SLC39A8: variants seen among roughly 807,000 people sequenced by gnomAD.
SLC39A8 encodes metal cation symporter ZIP8.
Under a neutral mutation model 40.4 loss-of-function variants are expected in SLC39A8, and 15 were observed. The ratio of observed to expected loss-of-function variants is 0.37; its 90% CI spans 0.25 to 0.57. The LOEUF is 0.57. Ranked by LOEUF, SLC39A8 falls within the 20% of genes least tolerant of loss-of-function variation. SLC39A8 has a pLI of 0.75. For synonymous variants in SLC39A8, 223 were observed against 221.6 expected (o/e 1.01, Z -0.06); for missense variants, 472 against 558.8 (o/e 0.84, Z 1.57).
chr4:102,342,030 G>C (rs932449629), intron 2 of SLC39A8, among the ~76,000 whole-genome samples: 3 of 152,122 alleles, frequency 2.0e-5, no homozygotes, highest in Non-Finnish European at 4.4e-5. Flanking sequence ...TATTCCTCAG[G>C]GTATGTAAGC....
intron 11 of SLC39A8, chr4:102,253,454 T>C (rs1330245311): frequency 1.4e-6 from 1 of 714,326 alleles, no homozygotes; most frequent in African/African-American, 1.8e-5. Flanking sequence ...AGAAGGAACA[T>C]AGTAAAGTTT....
chr4:102,335,516 G>T (rs1391789105), intron 2 of SLC39A8, among the ~76,000 whole-genome samples: 1 of 152,082 alleles, frequency 6.6e-6, no homozygotes, highest in Non-Finnish European at 1.5e-5. Flanking sequence ...TTTAGAAGTA[G>T]ATCTCAATTT....
At chr4:102,320,183 A>G (rs1411670066) in intron 2 of SLC39A8, among the ~76,000 whole-genome samples, 5 of 95,592 alleles carry the variant, frequency 5.2e-5, no homozygotes, top group African/African-American at 7.2e-5. Context: ...ATATATATAT[A>G]TATATATGTA....
Position 102,262,558 on chromosome 4 carries a change from T to C in SLC39A8, c.*486A>G, listed in dbSNP as rs1731911056. 2 of 985,342 alleles carry C rather than the reference T, an allele frequency of 2.0e-6. No homozygotes were observed. The highest frequency in any genetic ancestry group is 4.7e-5 in the South Asian group (1 of 21,288). 61.0% of individuals were successfully genotyped at this position (985,342 alleles called of 1,614,324 possible). A position where few individuals can be genotyped will look rare whatever the true frequency, so the allele number is the denominator to read the frequency against. On this transcript the variant is annotated 3_prime_UTR_variant, in exon 9 of 9. Coordinates refer to ENST00000356736, the MANE Select transcript of SLC39A8 (RefSeq NM_001135146.2). Reference sequence around the variant, plus strand: ...TTGGCTCCTTAAAGACTTGGAATAATTTATATTAGTGTTGCATACATTTTA... The same window carrying C: ...TTGGCTCCTTAAAGACTTGGAATAACTTATATTAGTGTTGCATACATTTTA...
intron 2 of SLC39A8, among the ~76,000 whole-genome samples, chr4:102,326,055 G>A (rs966935023): frequency 3.9e-5 from 6 of 152,192 alleles, no homozygotes; most frequent in South Asian, 2.1e-4. Flanking sequence ...TAGATCCTTC[G>A]CTTCCCACCC....
At chr4:102,333,796 C>A (rs147194253) in intron 2 of SLC39A8, among the ~76,000 whole-genome samples, 1 of 152,204 alleles carries the variant, frequency 6.6e-6, no homozygotes, top group East Asian at 1.9e-4. Flanking sequence ...TGAAGATATA[C>A]AGAAAGAGTG....
At chr4:102,327,388 C>T (rs1200769389) in intron 2 of SLC39A8, among the ~76,000 whole-genome samples, 1 of 152,148 alleles carries the variant, frequency 6.6e-6, no homozygotes, top group Middle Eastern at 3.2e-3. Flanking sequence ...CTATCCTAAC[C>T]AGTTATAATC....
intron 8 of SLC39A8, among the ~76,000 whole-genome samples, chr4:102,265,509 C>T (rs1732061471): frequency 6.6e-6 from 1 of 152,088 alleles, no homozygotes; most frequent in Non-Finnish European, 1.5e-5. Flanking sequence ...GTGACAGAGA[C>T]AGGAAATAAG....
intron 2 of SLC39A8, among the ~76,000 whole-genome samples, chr4:102,319,391 C>T (rs1022549048): frequency 2.6e-5 from 4 of 152,216 alleles, no homozygotes; most frequent in African/African-American, 7.2e-5. Flanking sequence ...CTTGACTAAA[C>T]TGCAGTCAGG....
intron 6 of SLC39A8, among the ~76,000 whole-genome samples, chr4:102,291,859 A>G (rs767261678): frequency 2.9e-4 from 44 of 151,998 alleles, no homozygotes; most frequent in Non-Finnish European, 5.7e-4. Flanking sequence ...AGAGAATACT[A>G]TGCAGCCTTT....
chr4:102,336,909 G>A (rs1427222088), intron 2 of SLC39A8, among the ~76,000 whole-genome samples: 1 of 152,154 alleles, frequency 6.6e-6, no homozygotes, highest in African/African-American at 2.4e-5. Context: ...AGTTGGAAAT[G>A]GGAAAATTCT....
intron 6 of SLC39A8, among the ~76,000 whole-genome samples, chr4:102,284,528 C>A (rs1269473949): frequency 6.6e-6 from 1 of 152,148 alleles, no homozygotes; most frequent in African/African-American, 2.4e-5. Context: ...TGACTGAATA[C>A]CATCTTCCTA....
At chr4:102,275,354 T>G (rs1352286060) in intron 6 of SLC39A8, among the ~76,000 whole-genome samples, 1 of 150,662 alleles carries the variant, frequency 6.6e-6, no homozygotes, top group Non-Finnish European at 1.5e-5. Flanking sequence ...AAAACAGACT[T>G]TAAACCAACA....
intron 3 of SLC39A8, among the ~76,000 whole-genome samples, chr4:102,312,249 T>C (rs546887089): frequency 3.0e-4 from 46 of 152,196 alleles, no homozygotes; most frequent in African/African-American, 1.1e-3. Flanking sequence ...TAAATTCCCC[T>C]GGAAACATTT....
chr4:102,294,354 C>T (rs1458899669), intron 6 of SLC39A8, among the ~76,000 whole-genome samples: 1 of 152,016 alleles, frequency 6.6e-6, no homozygotes, highest in Non-Finnish European at 1.5e-5. Context: ...CAAGAATCCC[C>T]TCATCCTTTA....
downstream of SLC39A8, among the ~76,000 whole-genome samples, chr4:102,257,300 G>A (rs543420778): frequency 6.1e-4 from 92 of 151,922 alleles, no homozygotes; most frequent in Middle Eastern, 6.8e-3. Flanking sequence ...ACAGGTGTCC[G>A]CCACCACCCC....
chr4:102,268,088 A>C lies in SLC39A8; in HGVS notation c.841-9T>G, dbSNP rs778197107. 1.3e-5 allele frequency: 21 copies of C among 1,613,416 alleles called. 1 individual carries two copies. The Admixed American group carries it at 3.5e-4, about 27-fold the overall frequency. The stretch of plus-strand genomic sequence containing the variant: ...GGCTCTTTTTTTCCATCCTAGCAGA[A>C]AATCAATTAAAATGATAACCAACAT... On this transcript the variant is annotated splice_polypyrimidine_tract_variant and intron_variant, in intron 6 of 8. Transcript: ENST00000356736.
chr4:102,331,998 C>T (rs1735488307), intron 2 of SLC39A8, among the ~76,000 whole-genome samples: 1 of 152,136 alleles, frequency 6.6e-6, no homozygotes, highest in Non-Finnish European at 1.5e-5. Context: ...TTCCTTACAC[C>T]TTATACAAAA....
chr4:102,251,481 G>T (rs1731589136), exon 12 of SLC39A8: 1 of 152,162 alleles, frequency 6.6e-6, no homozygotes, highest in Admixed American at 6.5e-5. Context: ...CTCTTGCAGA[G>T]GTGGCAAAAC....
Sources: gnomAD v4.1 joint callset for allele counts (sites outside exome capture counted in the v4.1 genomes callset) on GRCh38, gnomAD v4.1.1 for gene constraint, MANE v1.5 for transcripts, NCBI Gene and HGNC (gene_info 2026-07-23, HGNC 2026-07-21) for gene names.